DPP6: variants seen among roughly 807,000 people sequenced by gnomAD.
The protein encoded by DPP6 is A-type potassium channel modulatory protein DPP6.
In DPP6, 69 loss-of-function variants were observed where a neutral mutation model predicts 122.6. The ratio of observed to expected loss-of-function variants is 0.56; its 90% CI spans 0.46 to 0.69. DPP6 has a LOEUF of 0.69. Ranked by LOEUF, DPP6 falls within the 30% of genes least tolerant of loss-of-function variation. The probability of loss-of-function intolerance (pLI) is 0.00; values close to 1 mark genes in which losing one functional copy is unlikely to be tolerated. For missense variants in DPP6, 928 were observed against 1,116.9 expected (o/e 0.83, Z 2.41); for synonymous variants, 418 against 433.1 (o/e 0.97, Z 0.43).
chr7:154,441,314 ACATAT>A (rs1361964790), intron 1 of DPP6, among the ~76,000 whole-genome samples: 1 of 152,204 alleles, frequency 6.6e-6, no homozygotes, highest in Non-Finnish European at 1.5e-5. Context: ...TTTCTCTATT[ACATAT>A]CATATGTTGC....
At chr7:154,532,661 T>C (rs1251669546) in intron 3 of DPP6, among the ~76,000 whole-genome samples, 1 of 152,046 alleles carries the variant, frequency 6.6e-6, no homozygotes, top group African/African-American at 2.4e-5. Context: ...GATGCCACGA[T>C]CCTACTAAAG....
intron 1 of DPP6, among the ~76,000 whole-genome samples, chr7:154,266,956 A>T (rs529431958): frequency 6.6e-6 from 1 of 152,370 alleles, no homozygotes; most frequent in South Asian, 2.1e-4. Flanking sequence ...AAATAAAAAT[A>T]TTCGCAGTTA....
In DPP6 at chr7:154,055,398, A is replaced by G. The variant is rs559195505; in HGVS notation, c.243+2335A>G. 5.1e-3 allele frequency among the ~76,000 whole-genome samples: 761 copies of G among 149,776 alleles called. 4 individuals are homozygous for G. The highest frequency in any genetic ancestry group is 5.8e-3 in the Non-Finnish European group (393 of 67,724). Reference sequence around the variant, plus strand: ...AATTTACTAAAAGATAGATGAACATATCAAACCACTTTTCCTCCAGGAACA... The same window carrying G: ...AATTTACTAAAAGATAGATGAACATGTCAAACCACTTTTCCTCCAGGAACA... On this transcript the variant is annotated intron_variant, in intron 1 of 25. Coordinates refer to ENST00000377770, the MANE Select transcript of DPP6 (RefSeq NM_130797.4).
chr7:154,448,827 T>C (rs1721366687), intron 2 of DPP6, among the ~76,000 whole-genome samples: 1 of 152,168 alleles, frequency 6.6e-6, no homozygotes, highest in Admixed American at 6.6e-5. Context: ...GAAAGAATAG[T>C]CTTTCCACCA....
intron 16 of DPP6, among the ~76,000 whole-genome samples, chr7:154,820,829 C>A (rs1242018887): frequency 6.6e-6 from 1 of 152,074 alleles, no homozygotes; most frequent in Non-Finnish European, 1.5e-5. Flanking sequence ...GGAAAAGAAA[C>A]CTAATGAGTG....
chr7:154,063,022 G>A (rs1336868064), intron 1 of DPP6, among the ~76,000 whole-genome samples: 2 of 134,318 alleles, frequency 1.5e-5, no homozygotes, highest in African/African-American at 5.4e-5. Context: ...TGGCTCTGAG[G>A]AACCCCATCA....
intron 5 of DPP6, 34 bp from the exon 6 acceptor site, chr7:154,637,787 A>G: frequency 6.5e-7 from 1 of 1,550,050 alleles, no homozygotes; most frequent in African/African-American, 1.4e-5. Context: ...CCTTTGTCTC[A>G]ATGCCTACCT....
intron 3 of DPP6, among the ~76,000 whole-genome samples, chr7:154,477,395 G>C (rs1229419085): frequency 6.6e-6 from 1 of 152,146 alleles, no homozygotes; most frequent in East Asian, 1.9e-4. Context: ...CTGAGCTCTA[G>C]GGTTCAGAGT....
intron 1 of DPP6, among the ~76,000 whole-genome samples, chr7:154,311,511 A>C (rs551044305): frequency 6.7e-6 from 1 of 149,316 alleles, no homozygotes; most frequent in South Asian, 2.1e-4. Context: ...AAAAAAAAAA[A>C]GAAAAAGAAA....
intron 1 of DPP6, among the ~76,000 whole-genome samples, chr7:153,891,071 G>T (rs1345298219): frequency 7.3e-6 from 1 of 137,850 alleles, no homozygotes; most frequent in Non-Finnish European, 1.5e-5. Flanking sequence ...ACCCAGGCTG[G>T]AGTGCAGTGG....
At chr7:154,350,700 C>T (rs1042402485) in intron 1 of DPP6, among the ~76,000 whole-genome samples, 4 of 152,114 alleles carry the variant, frequency 2.6e-5, no homozygotes, top group Non-Finnish European at 5.9e-5. Context: ...TTCAACTGCC[C>T]GTTGCATGGT....
intron 3 of DPP6, among the ~76,000 whole-genome samples, chr7:154,530,147 GA>G (rs1249520407): frequency 6.6e-6 from 1 of 150,876 alleles, no homozygotes; most frequent in Non-Finnish European, 1.5e-5. Context: ...AAAAGAAAAA[GA>G]AAAAAAAGAA....
intron 1 of DPP6, among the ~76,000 whole-genome samples, chr7:154,000,818 A>G (rs1183720803): frequency 6.6e-6 from 1 of 152,072 alleles, no homozygotes; most frequent in East Asian, 1.9e-4. Context: ...TCTAGGCATA[A>G]ACCTGAGTCC....
intron 3 of DPP6, among the ~76,000 whole-genome samples, chr7:154,499,363 A>T (rs1399809430): frequency 6.6e-6 from 1 of 152,196 alleles, no homozygotes; most frequent in Non-Finnish European, 1.5e-5. Context: ...TGAGCACTGC[A>T]GCAGCCCATT....
At chr7:153,788,207 T>G in the DPP6 span, among the ~76,000 whole-genome samples, 1 of 152,352 alleles carries the variant, frequency 6.6e-6, no homozygotes, top group South Asian at 2.1e-4. Context: ...CTTTCTACAT[T>G]TTGGGACACA....
At chr7:154,626,257 G>A (rs1375560489) in intron 5 of DPP6, among the ~76,000 whole-genome samples, 1 of 152,228 alleles carries the variant, frequency 6.6e-6, no homozygotes, top group Non-Finnish European at 1.5e-5. Flanking sequence ...AGTGGAGACT[G>A]AAGGAAATAT....
chr7:153,814,872 A>T, the DPP6 span, among the ~76,000 whole-genome samples: 2 of 151,892 alleles, frequency 1.3e-5, no homozygotes, highest in African/African-American at 4.8e-5. Flanking sequence ...TGATTATCTC[A>T]ATAGATGCAG....
intron 1 of DPP6, among the ~76,000 whole-genome samples, chr7:154,093,270 A>G (rs551700601): frequency 4.1e-5 from 6 of 147,052 alleles, no homozygotes; most frequent in Non-Finnish European, 9.0e-5. Flanking sequence ...TACATCCTAC[A>G]TACATCATAC....
At chr7:153,799,200 C>T in the DPP6 span, among the ~76,000 whole-genome samples, 1 of 152,274 alleles carries the variant, frequency 6.6e-6, no homozygotes, top group Non-Finnish European at 1.5e-5. Context: ...CAGAAAAATT[C>T]TTCACCTTCA....
Sources: allele counts gnomAD v4.1 joint callset (sites outside exome capture counted in the v4.1 genomes callset), GRCh38; gene constraint gnomAD v4.1.1; transcripts MANE v1.5; gene names NCBI Gene and HGNC (gene_info 2026-07-23, HGNC 2026-07-21).